Variants in PLEKHM3 observed in about 807,000 individuals in gnomAD.
The protein encoded by PLEKHM3 is pleckstrin homology domain-containing family M member 3.
In PLEKHM3, 45 loss-of-function variants were observed where a neutral mutation model predicts 81.8. The observed-to-expected ratio is 0.55, with a 90% CI of 0.43 to 0.71. PLEKHM3 has a LOEUF of 0.71. PLEKHM3 is among the 30% of genes least tolerant of loss of function. PLEKHM3 has a pLI of 0.00. For missense variants in PLEKHM3, 788 were observed against 924.3 expected, an observed-to-expected ratio of 0.85 and a Z score of 1.91; for synonymous variants, 352 against 356.4, an observed-to-expected ratio of 0.99 and a Z score of 0.14.
chr2:207,864,681 T>C (rs1203371742), intron 6 of PLEKHM3, among the ~76,000 whole-genome samples: 1 of 152,240 alleles, frequency 6.6e-6, no homozygotes, highest in South Asian at 2.1e-4. Flanking sequence ...ATTTAGTCCT[T>C]GGAGAAAGGG....
intron 1 of PLEKHM3, among the ~76,000 whole-genome samples, chr2:208,017,065 G>T (rs943435200): frequency 6.6e-6 from 1 of 152,176 alleles, no homozygotes; most frequent in African/African-American, 2.4e-5. Flanking sequence ...AGTCAATGTA[G>T]TATTCAGCAT....
intron 6 of PLEKHM3, among the ~76,000 whole-genome samples, chr2:207,864,008 T>TGCACC (rs1171352492): frequency 6.6e-6 from 1 of 151,948 alleles, no homozygotes; most frequent in Non-Finnish European, 1.5e-5. Context: ...TATTTCTTAT[T>TGCACC]ATGTATCTCC....
intron 3 of PLEKHM3, among the ~76,000 whole-genome samples, chr2:207,969,556 G>A (rs1008993726): frequency 6.6e-6 from 1 of 152,188 alleles, no homozygotes; most frequent in African/African-American, 2.4e-5. Flanking sequence ...AATAATGTTT[G>A]TTTAATATAT....
At chr2:207,968,911 G>T (rs1375529004) in intron 3 of PLEKHM3, among the ~76,000 whole-genome samples, 1 of 152,188 alleles carries the variant, frequency 6.6e-6, no homozygotes, top group Non-Finnish European at 1.5e-5. Context: ...TTGGGGAAGG[G>T]TCATATCTGA....
At chr2:207,907,770 A>C (rs1688661342) in intron 6 of PLEKHM3, among the ~76,000 whole-genome samples, 1 of 152,180 alleles carries the variant, frequency 6.6e-6, no homozygotes, top group Non-Finnish European at 1.5e-5. Flanking sequence ...TATAACCATC[A>C]CTGCTGTTTA....
At chr2:207,964,235 T>A (rs1268789422) in intron 3 of PLEKHM3, among the ~76,000 whole-genome samples, 1 of 151,732 alleles carries the variant, frequency 6.6e-6, no homozygotes, top group African/African-American at 2.4e-5. Context: ...GAACCTCCTA[T>A]GGGCTAAACC....
At position 207,946,521 on chromosome 2, in the gene PLEKHM3, G is replaced by A; in HGVS notation, c.1547-9C>T. 1 of 1,609,710 alleles carries A rather than the reference G, an allele frequency of 6.2e-7. No individual in the cohort carries two copies. Among genetic ancestry groups the A allele is most frequent in the Non-Finnish European group, 8.5e-7 (1 of 1,178,634 alleles). On this transcript the variant is annotated splice_polypyrimidine_tract_variant and intron_variant, in intron 3 of 7. Coordinates refer to ENST00000427836, the MANE Select transcript of PLEKHM3 (RefSeq NM_001080475.3). Reference sequence around the variant, plus strand: ...TATGGATCGCTGGCAGCCTGTTCAAGGAAAAAGGAAGAGTCTATGATTGCT... The same window carrying A: ...TATGGATCGCTGGCAGCCTGTTCAAAGAAAAAGGAAGAGTCTATGATTGCT...
chr2:207,873,309 C>T (rs2092544521), intron 6 of PLEKHM3, among the ~76,000 whole-genome samples: 1 of 152,088 alleles, frequency 6.6e-6, no homozygotes, highest in Admixed American at 6.6e-5. Flanking sequence ...CCAGCTATGT[C>T]CCCAGTAAGC....
intron 3 of PLEKHM3, among the ~76,000 whole-genome samples, chr2:207,975,483 G>A (rs1250335349): frequency 6.7e-6 from 1 of 148,852 alleles, no homozygotes; most frequent in Non-Finnish European, 1.5e-5. Flanking sequence ...CATTCTCATG[G>A]TAAATTTAAT....
At chr2:207,860,980 A>C (rs2092464225) in intron 7 of PLEKHM3, 125 bp downstream of exon 7, 2 of 1,150,630 alleles carry the variant, frequency 1.7e-6, no homozygotes, top group Non-Finnish European at 2.4e-6. Flanking sequence ...TCCAAGAACA[A>C]GGAAAACCTG....
At chr2:208,019,138 A>T (rs1419005869) in intron 1 of PLEKHM3, among the ~76,000 whole-genome samples, 4 of 28,742 alleles carry the variant, frequency 1.4e-4, no homozygotes, top group Non-Finnish European at 5.8e-4. Context: ...CCATCTCTAC[A>T]AAAAAAAAAA....
chr2:207,925,917 A>G (rs901442433), intron 5 of PLEKHM3, among the ~76,000 whole-genome samples: 2 of 151,782 alleles, frequency 1.3e-5, no homozygotes, highest in Non-Finnish European at 2.9e-5. Flanking sequence ...ACATCTAGAC[A>G]TTCGGCATCC....
At chr2:207,830,753 A>T (rs1047468435) in intron 7 of PLEKHM3, among the ~76,000 whole-genome samples, 8 of 149,940 alleles carry the variant, frequency 5.3e-5, no homozygotes, top group Non-Finnish European at 1.0e-4. Context: ...GCTCTCCCCA[A>T]CTCCGCATGC....
chr2:208,020,705 A>G (rs1002619327), intron 1 of PLEKHM3, among the ~76,000 whole-genome samples: 1 of 152,198 alleles, frequency 6.6e-6, no homozygotes, highest in Non-Finnish European at 1.5e-5. Flanking sequence ...GGAGAACGCA[A>G]GAAGAAAAAA....
In PLEKHM3 at chr2:207,953,840, AG is replaced by A. The variant is rs933270942; in HGVS notation, c.1547-7329del. Among the ~76,000 whole-genome samples the A allele has an allele frequency of 9.9e-5, 15 of 151,538 alleles. No homozygotes were observed. The East Asian group carries it at 2.5e-3, about 25-fold the overall frequency. On this transcript the variant is annotated intron_variant, in intron 3 of 7. Transcript: ENST00000427836. ...CTCTGTCTACAAAAAAAAAAAAAAAAGAATAAAGTTCCACTGCACAGAGAGC... is the reference window on the plus strand; with the variant it reads ...CTCTGTCTACAAAAAAAAAAAAAAAAAATAAAGTTCCACTGCACAGAGAGC...
chr2:207,844,300 TTTC>T (rs2092370621), intron 7 of PLEKHM3, among the ~76,000 whole-genome samples: 1 of 136,066 alleles, frequency 7.3e-6, no homozygotes, highest in Non-Finnish European at 1.6e-5. Context: ...TACATTTATT[TTTC>T]TTTTTTTTTT....
At chr2:207,979,045 A>G (rs1679115162) in intron 2 of PLEKHM3, among the ~76,000 whole-genome samples, 1 of 152,168 alleles carries the variant, frequency 6.6e-6, no homozygotes, top group Non-Finnish European at 1.5e-5. Flanking sequence ...TACTTGTTGA[A>G]TTAGAAATAA....
At chr2:207,944,875 C>T (rs1304814560) in intron 4 of PLEKHM3, among the ~76,000 whole-genome samples, 2 of 152,098 alleles carry the variant, frequency 1.3e-5, no homozygotes, top group East Asian at 3.9e-4. Context: ...TTATTTTTTC[C>T]ATTAAAACAA....
At chr2:207,879,582 C>T (rs2092576311) in intron 6 of PLEKHM3, among the ~76,000 whole-genome samples, 1 of 152,192 alleles carries the variant, frequency 6.6e-6, no homozygotes. Context: ...TTTGACCAGA[C>T]CGGGTTATGG....
Sources: gnomAD v4.1 joint callset for allele counts (sites outside exome capture counted in the v4.1 genomes callset) on GRCh38, gnomAD v4.1.1 for gene constraint, MANE v1.5 for transcripts, NCBI Gene and HGNC (gene_info 2026-07-23, HGNC 2026-07-21) for gene names.